TAFA5: variants seen among roughly 807,000 people sequenced by gnomAD.
TAFA5 encodes the protein TAFA chemokine like family member 5, also known as chemokine-like protein TAFA-5.
A neutral mutation model predicts 15.3 loss-of-function variants in TAFA5; 6 were observed. The ratio of observed to expected loss-of-function variants is 0.39; its 90% CI spans 0.21 to 0.77. TAFA5 has a LOEUF of 0.77. Among genes scored for constraint, TAFA5 ranks in the 30% least tolerant of loss-of-function variants. TAFA5 has a pLI of 0.41. For synonymous variants in TAFA5, 103 were observed against 80.7 expected, an observed-to-expected ratio of 1.28 and a Z score of -1.48; for missense variants, 161 against 193.1, an observed-to-expected ratio of 0.83 and a Z score of 0.98.
chr22:48,557,601 C>T (rs1923085954), intron 1 of TAFA5, among the ~76,000 whole-genome samples: 1 of 152,222 alleles, frequency 6.6e-6, no homozygotes, highest in Admixed American at 6.5e-5. Flanking sequence ...CTCGCCCAAG[C>T]ATTGCAGGCA....
chr22:48,727,505 C>T (rs1419632450), intron 3 of TAFA5, among the ~76,000 whole-genome samples: 1 of 152,060 alleles, frequency 6.6e-6, no homozygotes, highest in Non-Finnish European at 1.5e-5. Flanking sequence ...GAGTAAAAAG[C>T]AAGTGACACT....
intron 1 of TAFA5, among the ~76,000 whole-genome samples, chr22:48,605,606 G>A (rs1037507376): frequency 5.3e-5 from 8 of 152,144 alleles, no homozygotes; most frequent in African/African-American, 1.9e-4. Flanking sequence ...ATGCAGGCAG[G>A]CATTTTACCT....
rs150533098 is a variant in TAFA5 at position 48,598,327 on chromosome 22, C to G, written c.113-48270C>G. Among the ~76,000 whole-genome samples the G allele has an allele frequency of 1.1e-3, 162 of 152,304 alleles. No individual in the cohort carries two copies. The highest frequency in any genetic ancestry group is 3.8e-3 in the African/African-American group (159 of 41,532). The stretch of plus-strand genomic sequence containing the variant: ...ACAGAAAAATCCAGAATCATTTGAC[C>G]AAACCTGTGGGCACTGTGGCTCCGT... On this transcript the variant is annotated intron_variant, in intron 1 of 3. Transcript: ENST00000402357. The surrounding 1 kb of genome is among the most constrained non-coding windows in gnomAD (Gnocchi z 4.0).
At chr22:48,706,624 G>A (rs757217681) in intron 2 of TAFA5, among the ~76,000 whole-genome samples, 1 of 152,216 alleles carries the variant, frequency 6.6e-6, no homozygotes, top group Non-Finnish European at 1.5e-5. Context: ...GTATATAAGT[G>A]TGCATGTTTA....
At chr22:48,534,066 C>T (rs1401307232) in intron 1 of TAFA5, among the ~76,000 whole-genome samples, 3 of 152,138 alleles carry the variant, frequency 2.0e-5, no homozygotes, top group Non-Finnish European at 4.4e-5. Flanking sequence ...GGTCTCCTTC[C>T]ATTGCTACCC....
At chr22:48,678,706 C>T (rs1489083321) in intron 2 of TAFA5, among the ~76,000 whole-genome samples, 3 of 151,460 alleles carry the variant, frequency 2.0e-5, no homozygotes, top group African/African-American at 4.8e-5. Flanking sequence ...TGGAGATAGA[C>T]GTCACAGGAA....
At position 48,677,970 on chromosome 22, in the gene TAFA5, C is replaced by T. The variant is rs369319582; in HGVS notation, c.263-29747C>T. On this transcript the variant is annotated intron_variant, in intron 2 of 3. Coordinates refer to ENST00000402357, the MANE Select transcript of TAFA5 (RefSeq NM_001082967.3). ...CAGTCCCCCAGGCCTCCCTAGACCC[C>T]GAGAGCTCACTCCCCAGAGCTCCCC... is the stretch of plus-strand genomic sequence containing the variant. 1.9e-3 allele frequency among the ~76,000 whole-genome samples: 293 copies of T among 152,202 alleles called. 3 individuals are homozygous for T. The highest frequency in any genetic ancestry group is 6.6e-3 in the African/African-American group (274 of 41,538).
intron 1 of TAFA5, among the ~76,000 whole-genome samples, chr22:48,636,794 G>T (rs780149643): frequency 1.3e-5 from 2 of 152,234 alleles, no homozygotes; most frequent in African/African-American, 2.4e-5. Flanking sequence ...GGTGTGGGCT[G>T]GTGCCCTGGC....
At chr22:48,638,258 C>T (rs1056058587) in intron 1 of TAFA5, among the ~76,000 whole-genome samples, 4 of 151,310 alleles carry the variant, frequency 2.6e-5, no homozygotes, top group African/African-American at 4.9e-5. Flanking sequence ...AGCCCTGGGT[C>T]ACCACACACA....
At chr22:48,532,105 A>G (rs994100664) in intron 1 of TAFA5, among the ~76,000 whole-genome samples, 1 of 152,210 alleles carries the variant, frequency 6.6e-6, no homozygotes, top group Non-Finnish European at 1.5e-5. Flanking sequence ...CCGGACGAGG[A>G]ACCCCTTGGT....
At chr22:48,579,116 C>T (rs374390943) in intron 1 of TAFA5, among the ~76,000 whole-genome samples, 3 of 121,250 alleles carry the variant, frequency 2.5e-5, no homozygotes, top group East Asian at 2.2e-4. Flanking sequence ...GAGGCCACCC[C>T]GTGGCTAATC....
At chr22:48,603,596 C>G (rs28469663) in intron 1 of TAFA5, among the ~76,000 whole-genome samples, 11,024 of 152,216 alleles carry the variant, frequency 0.072, 542 homozygotes, top group East Asian at 0.24. Context: ...TCCCCAGGAG[C>G]ATGGTCTCCT....
At position 48,568,129 on chromosome 22, in the gene TAFA5, G is replaced by A. The variant is rs147147202; in HGVS notation, c.112+78425G>A. On this transcript the variant is annotated intron_variant, in intron 1 of 3. Coordinates refer to ENST00000402357, the MANE Select transcript of TAFA5 (RefSeq NM_001082967.3). ...CTGGGCCAGCAGGCAGTCTGTCTTC[G>A]CCCGTGTGACTGAGCCCACAGGGCC... 2.3e-3 allele frequency among the ~76,000 whole-genome samples: 348 copies of A among 152,322 alleles called. 2 individuals carry two copies. Among genetic ancestry groups the A allele is most frequent in the African/African-American group, 8.0e-3 (331 of 41,574 alleles).
rs1342687421 is a variant in TAFA5 at position 48,566,392 on chromosome 22, T to A, written c.112+76688T>A. Among the ~76,000 whole-genome samples the A allele has an allele frequency of 2.0e-5, 3 of 151,514 alleles. No individual in the cohort carries two copies. Among genetic ancestry groups the A allele is most frequent in the African/African-American group, 7.3e-5 (3 of 41,166 alleles). ...GGTGGATGGATGGGTGGATGGTGAATGATGGGTAGATGGTAGGTGGATGGA... is the reference window on the plus strand; with the variant it reads ...GGTGGATGGATGGGTGGATGGTGAAAGATGGGTAGATGGTAGGTGGATGGA... On this transcript the variant is annotated intron_variant, in intron 1 of 3. Transcript: ENST00000402357. This position sits in a 1 kb window ranked among gnomAD's most constrained non-coding sequence, Gnocchi z 4.5.
chr22:48,672,512 C>CT (rs1927833627), intron 2 of TAFA5, among the ~76,000 whole-genome samples: 1 of 152,192 alleles, frequency 6.6e-6, no homozygotes, highest in Non-Finnish European at 1.5e-5. Context: ...AGCATTTCCT[C>CT]AAAGCATGAT....
intron 2 of TAFA5, among the ~76,000 whole-genome samples, chr22:48,664,028 C>A (rs1927532629): frequency 6.6e-6 from 1 of 152,214 alleles, no homozygotes; most frequent in African/African-American, 2.4e-5. Context: ...AAAAAATCTT[C>A]TATCCATGAA....
chr22:48,615,201 G>C (rs1257327172), intron 1 of TAFA5, among the ~76,000 whole-genome samples: 1 of 152,186 alleles, frequency 6.6e-6, no homozygotes, highest in Non-Finnish European at 1.5e-5. Context: ...AGCTGCGTTG[G>C]GGAAGACGGG....
At chr22:48,561,334 G>A (rs1462720724) in intron 1 of TAFA5, among the ~76,000 whole-genome samples, 2 of 152,114 alleles carry the variant, frequency 1.3e-5, no homozygotes, top group Non-Finnish European at 2.9e-5. Flanking sequence ...ATGTTTCTGG[G>A]GCCCCTTTGC....
At chr22:48,496,013 G>C (rs1298568915) in intron 1 of TAFA5, among the ~76,000 whole-genome samples, 1 of 152,212 alleles carries the variant, frequency 6.6e-6, no homozygotes, top group African/African-American at 2.4e-5. Context: ...AGGTGCTGTG[G>C]TGCTCCTATC....
Sources: gnomAD v4.1 joint callset for allele counts (sites outside exome capture counted in the v4.1 genomes callset) on GRCh38, gnomAD v4.1.1 for gene constraint, Gnocchi (gnomAD v3.1) non-coding constraint, MANE v1.5 for transcripts, NCBI Gene and HGNC (gene_info 2026-07-23, HGNC 2026-07-21) for gene names.